The following BRD10 variants were observed in gnomAD, a reference collection of about 807,000 sequenced individuals.
BRD10 encodes bromodomain containing 10.
chr9:6,004,914 T>A, the BRD10 span, among the ~76,000 whole-genome samples: 1 of 152,328 alleles, frequency 6.6e-6, no homozygotes, highest in East Asian at 1.9e-4. Flanking sequence ...CTCGCAAACC[T>A]GATGTGTTTG....
At chr9:5,921,728 G>T in the BRD10 span, 1 of 1,613,892 alleles carries the variant, frequency 6.2e-7, no homozygotes, top group Admixed American at 1.7e-5. Context: ...TCCAAAATTT[G>T]CTGCTGATAT....
chr9:5,960,455 G>T, the BRD10 span, among the ~76,000 whole-genome samples: 52 of 151,990 alleles, frequency 3.4e-4, no homozygotes, highest in Non-Finnish European at 6.2e-4. Flanking sequence ...CCAGCTACTT[G>T]GGAGGCTGAG....
At chr9:5,893,823 G>A in the BRD10 span, among the ~76,000 whole-genome samples, 3 of 152,010 alleles carry the variant, frequency 2.0e-5, no homozygotes, top group African/African-American at 7.2e-5. Flanking sequence ...TCCACATCTT[G>A]CCAACAGAAA....
the BRD10 span, among the ~76,000 whole-genome samples, chr9:5,970,418 C>T: frequency 6.6e-6 from 1 of 152,102 alleles, no homozygotes; most frequent in South Asian, 2.1e-4. Flanking sequence ...AATATGAGTG[C>T]TTTTTTCCCC....
the BRD10 span, among the ~76,000 whole-genome samples, chr9:6,005,332 G>A: frequency 6.6e-6 from 1 of 151,342 alleles, no homozygotes; most frequent in Non-Finnish European, 1.5e-5. Flanking sequence ...CCAACATGGC[G>A]AAACCCCATC....
the BRD10 span, chr9:5,923,421 C>G: frequency 1.3e-6 from 1 of 777,374 alleles, no homozygotes; most frequent in Non-Finnish European, 2.0e-6. Flanking sequence ...ATTAAGAAAT[C>G]TACTGCAGGG....
the BRD10 span, chr9:5,892,456 T>G: frequency 6.2e-7 from 1 of 1,609,198 alleles, no homozygotes. Context: ...TTAGGTGTCC[T>G]GTGCCCTGAC....
the BRD10 span, among the ~76,000 whole-genome samples, chr9:5,965,661 G>C: frequency 6.6e-6 from 1 of 152,160 alleles, no homozygotes; most frequent in East Asian, 1.9e-4. Context: ...GAAGATTTCT[G>C]AATTTCAAAA....
the BRD10 span, among the ~76,000 whole-genome samples, chr9:5,915,608 T>A: frequency 2.6e-5 from 4 of 152,242 alleles, no homozygotes; most frequent in African/African-American, 7.2e-5. Context: ...TGGGCTTTTC[T>A]GAGACTCAGT....
At chr9:5,957,945 C>T in the BRD10 span, among the ~76,000 whole-genome samples, 1 of 152,022 alleles carries the variant, frequency 6.6e-6, no homozygotes, top group Non-Finnish European at 1.5e-5. Context: ...TGATCATATC[C>T]CAGGCCTTTT....
the BRD10 span, among the ~76,000 whole-genome samples, chr9:6,005,656 C>CT: frequency 1.3e-5 from 2 of 152,284 alleles, no homozygotes; most frequent in Non-Finnish European, 2.9e-5. Flanking sequence ...TAGATGAACT[C>CT]TAAGGTTCTT....
At chr9:5,985,481 T>C in the BRD10 span, among the ~76,000 whole-genome samples, 1 of 152,182 alleles carries the variant, frequency 6.6e-6, no homozygotes, top group Non-Finnish European at 1.5e-5. Context: ...AGGGCTTATA[T>C]CCAGAATACA....
chr9:6,007,500 G>A, the BRD10 span: 324,975 of 1,612,102 alleles, frequency 0.2, 34,464 homozygotes, highest in East Asian at 0.32. Context: ...GGGCGGTGAG[G>A]CCCCGGTGCT....
the BRD10 span, among the ~76,000 whole-genome samples, chr9:5,998,527 G>C: frequency 2.6e-5 from 4 of 152,026 alleles, no homozygotes; most frequent in African/African-American, 9.7e-5. Flanking sequence ...CAGGAGAAAA[G>C]ACTCCTTTCT....
the BRD10 span, among the ~76,000 whole-genome samples, chr9:5,955,085 T>C: frequency 2.0e-5 from 3 of 151,660 alleles, no homozygotes; most frequent in African/African-American, 4.8e-5. Flanking sequence ...TGAAACTCTG[T>C]CTCAAAAAAA....
chr9:5,908,352 G>A, the BRD10 span, among the ~76,000 whole-genome samples: 8 of 152,146 alleles, frequency 5.3e-5, no homozygotes, highest in Non-Finnish European at 8.8e-5. Context: ...TCAATGATTC[G>A]TTAGTTAGGG....
the BRD10 span, among the ~76,000 whole-genome samples, chr9:5,887,842 T>C: frequency 6.6e-6 from 1 of 152,254 alleles, no homozygotes; most frequent in Non-Finnish European, 1.5e-5. Flanking sequence ...CATCTTTTCA[T>C]GGCTGACTGC....
the BRD10 span, among the ~76,000 whole-genome samples, chr9:5,934,586 G>C: frequency 6.6e-6 from 1 of 151,932 alleles, no homozygotes; most frequent in Non-Finnish European, 1.5e-5. Flanking sequence ...GGCTGGTCTT[G>C]AACTTCTGAC....
the BRD10 span, among the ~76,000 whole-genome samples, chr9:5,978,144 G>A: frequency 1.3e-5 from 2 of 151,952 alleles, no homozygotes; most frequent in Admixed American, 1.3e-4. Flanking sequence ...CATTTTTGAT[G>A]TTGCTCCTTA....
Sources: gnomAD v4.1 joint callset for allele counts (sites outside exome capture counted in the v4.1 genomes callset) on GRCh38, gnomAD v4.1.1 for gene constraint, MANE v1.5 for transcripts, NCBI Gene and HGNC (gene_info 2026-07-23, HGNC 2026-07-21) for gene names.